CNTNAP2: variants seen among roughly 807,000 people sequenced by gnomAD.
CNTNAP2 encodes contactin-associated protein-like 2.
In CNTNAP2, 98 loss-of-function variants were observed where a neutral mutation model predicts 155.2. The observed-to-expected ratio is 0.63, with a 90% CI of 0.54 to 0.75. CNTNAP2 has a LOEUF of 0.75. Ranked by LOEUF, CNTNAP2 falls within the 30% of genes least tolerant of loss-of-function variation. The pLI is 0.00. For synonymous variants in CNTNAP2, 651 were observed against 631.2 expected (o/e 1.03, Z -0.47); for missense variants, 1,727 against 1,688.1 (o/e 1.02, Z -0.40).
intron 15 of CNTNAP2, among the ~76,000 whole-genome samples, chr7:148,073,872 T>C (rs982372656): frequency 9.9e-5 from 15 of 152,112 alleles, no homozygotes; most frequent in African/African-American, 3.6e-4. Context: ...TTGAAACCCA[T>C]GTATATAGAG....
chr7:147,936,203 A>G (rs1431919594), intron 14 of CNTNAP2, among the ~76,000 whole-genome samples: 5 of 152,316 alleles, frequency 3.3e-5, no homozygotes, highest in Admixed American at 1.3e-4. Flanking sequence ...GGAAAGCAAA[A>G]TAAAATTAAA....
chr7:148,333,166 C>T (rs1006718206), intron 21 of CNTNAP2, among the ~76,000 whole-genome samples: 2 of 152,082 alleles, frequency 1.3e-5, no homozygotes, highest in African/African-American at 4.8e-5. Context: ...GGTGGCTCAC[C>T]CCCGTAATCC....
intron 3 of CNTNAP2, among the ~76,000 whole-genome samples, chr7:146,937,625 T>G (rs972952273): frequency 3.9e-5 from 6 of 152,156 alleles, no homozygotes; most frequent in African/African-American, 1.4e-4. Context: ...AGGTTGGTAG[T>G]AAAGTACCTG....
At chr7:147,639,992 T>G (rs1795246899) in intron 13 of CNTNAP2, among the ~76,000 whole-genome samples, 1 of 152,114 alleles carries the variant, frequency 6.6e-6, no homozygotes, top group African/African-American at 2.4e-5. Flanking sequence ...GAAAACTGCA[T>G]CTCTGTGTCT....
intron 1 of CNTNAP2, among the ~76,000 whole-genome samples, chr7:146,674,611 T>A (rs915656645): frequency 6.6e-6 from 1 of 152,126 alleles, no homozygotes; most frequent in Non-Finnish European, 1.5e-5. Context: ...ATTTATTTGA[T>A]GTGTAGGGGC....
chr7:147,240,853 C>G (rs1225841472), intron 8 of CNTNAP2, among the ~76,000 whole-genome samples: 1 of 152,106 alleles, frequency 6.6e-6, no homozygotes, highest in Admixed American at 6.5e-5. Context: ...CATTATGACT[C>G]CTTTCATTTA....
intron 1 of CNTNAP2, among the ~76,000 whole-genome samples, chr7:146,307,468 T>G (rs112562316): frequency 0.031 from 4,648 of 152,020 alleles, 121 homozygotes; most frequent in African/African-American, 0.066. Flanking sequence ...TCACAGAACT[T>G]GAAAAAACTA....
chr7:147,954,658 T>C (rs1189219364), intron 14 of CNTNAP2, among the ~76,000 whole-genome samples: 1 of 152,224 alleles, frequency 6.6e-6, no homozygotes, highest in Admixed American at 6.5e-5. Context: ...CTATAGTTAA[T>C]GTTTTTATAA....
intron 14 of CNTNAP2, among the ~76,000 whole-genome samples, chr7:147,942,000 G>C (rs1585040545): frequency 6.6e-6 from 1 of 152,184 alleles, no homozygotes; most frequent in Admixed American, 6.5e-5. Flanking sequence ...GGCTGTCCAG[G>C]TTAGTACCTC....
chr7:146,728,361 C>T (rs1801467790), intron 1 of CNTNAP2, among the ~76,000 whole-genome samples: 1 of 152,002 alleles, frequency 6.6e-6, no homozygotes, highest in African/African-American at 2.4e-5. Flanking sequence ...GAGTTTCACC[C>T]TTATCAGATA....
rs2620471 is a variant in CNTNAP2, at chr7:147,326,159, G to C, written c.1498+25869G>C. 4.7e-3 allele frequency among the ~76,000 whole-genome samples: 716 copies of C among 152,218 alleles called. 8 individuals are homozygous for C. The highest frequency in any genetic ancestry group is 0.015 in the African/African-American group (640 of 41,566). On this transcript the variant is annotated intron_variant, in intron 9 of 23. Transcript: ENST00000361727. Reference sequence around the variant, plus strand: ...CAGGATGGTCTCGATCTCCTGACCTGGTGATCCGCCCGCCTTGGCCTCCCA... The same window carrying C: ...CAGGATGGTCTCGATCTCCTGACCTCGTGATCCGCCCGCCTTGGCCTCCCA...
At chr7:147,934,690 A>G (rs950844952) in intron 14 of CNTNAP2, among the ~76,000 whole-genome samples, 4 of 152,232 alleles carry the variant, frequency 2.6e-5, no homozygotes, top group Non-Finnish European at 2.9e-5. Flanking sequence ...GAAATCTTGA[A>G]CTTGGATCAA....
At chr7:147,162,403 C>T (rs1802044212) in intron 8 of CNTNAP2, among the ~76,000 whole-genome samples, 1 of 152,040 alleles carries the variant, frequency 6.6e-6, no homozygotes, top group Admixed American at 6.6e-5. Context: ...GTTGTTCTTC[C>T]CTCTGATCTG....
chr7:147,810,976 T>C (rs958373570), intron 13 of CNTNAP2, among the ~76,000 whole-genome samples: 6 of 152,216 alleles, frequency 3.9e-5, no homozygotes, highest in Non-Finnish European at 7.3e-5. Context: ...AGAGAGGCAC[T>C]CAGTTACAGT....
chr7:147,309,616 T>C (rs1381607977), intron 9 of CNTNAP2, among the ~76,000 whole-genome samples: 1 of 152,178 alleles, frequency 6.6e-6, no homozygotes, highest in African/African-American at 2.4e-5. Context: ...CTAGAAACTC[T>C]GTGTCAATTA....
chr7:146,486,046 CTTTTTTTTTTTTT>C (rs71175651), intron 1 of CNTNAP2, among the ~76,000 whole-genome samples: 127 of 42,592 alleles, frequency 3.0e-3, no homozygotes, highest in African/African-American at 8.0e-3. Context: ...CCACAGCAGT[CTTTTTTTTTTTTT>C]TTTTTTTTTT....
At chr7:147,529,796 G>A (rs1265491814) in intron 11 of CNTNAP2, among the ~76,000 whole-genome samples, 2 of 152,116 alleles carry the variant, frequency 1.3e-5, no homozygotes, top group Non-Finnish European at 1.5e-5. Flanking sequence ...TATCAACAGA[G>A]CCGGATAAAA....
At chr7:147,598,158 T>C (rs1428065022) in intron 12 of CNTNAP2, among the ~76,000 whole-genome samples, 1 of 102,126 alleles carries the variant, frequency 9.8e-6, no homozygotes, top group Non-Finnish European at 2.1e-5. Context: ...TTACAGCCTT[T>C]CTTTCTTTCT....
chr7:146,395,779 T>TAGATGATAGAGAGAGAGATA (rs11462122), intron 1 of CNTNAP2, among the ~76,000 whole-genome samples: 1 of 122,024 alleles, frequency 8.2e-6, no homozygotes, highest in Non-Finnish European at 1.7e-5. Context: ...GATAGACAGA[T>TAGATGATAGAGAGAGAGATA]GATAGATAGA....
Sources: allele counts gnomAD v4.1 joint callset (sites outside exome capture counted in the v4.1 genomes callset), GRCh38; gene constraint gnomAD v4.1.1; transcripts MANE v1.5; gene names NCBI Gene and HGNC (gene_info 2026-07-23, HGNC 2026-07-21).